The following BMERB1 variants were observed in gnomAD, a reference collection of about 807,000 sequenced individuals.
BMERB1 encodes the protein bMERB domain containing 1, also known as bMERB domain-containing protein 1.
Under a neutral mutation model 23.6 loss-of-function variants are expected in BMERB1, and 12 were observed. The observed-to-expected ratio is 0.51, with a 90% confidence interval of 0.33 to 0.82. The LOEUF is 0.82. Among genes scored for constraint, BMERB1 ranks in the 40% least tolerant of loss-of-function variants. The pLI, the probability that BMERB1 is intolerant of heterozygous loss-of-function variation, is 0.03. For missense variants in BMERB1, 247 were observed against 255.4 expected (o/e 0.97, Z 0.22); for synonymous variants, 122 against 96.6 (o/e 1.26, Z -1.54).
At chr16:15,455,919 A>G (rs1478761404) in intron 1 of BMERB1, among the ~76,000 whole-genome samples, 1 of 152,132 alleles carries the variant, frequency 6.6e-6, no homozygotes, top group East Asian at 1.9e-4. Context: ...TTAATGTTTG[A>G]CTATTCTTAA....
intron 1 of BMERB1, among the ~76,000 whole-genome samples, chr16:15,502,573 G>A (rs72770177): frequency 0.016 from 2,501 of 152,256 alleles, 23 homozygotes; most frequent in Non-Finnish European, 0.025. Context: ...TCCCGTAATA[G>A]GATGCTTGGG....
intron 2 of BMERB1, among the ~76,000 whole-genome samples, chr16:15,546,179 T>C (rs2029904746): frequency 6.6e-6 from 1 of 152,052 alleles, no homozygotes; most frequent in African/African-American, 2.4e-5. Context: ...TTCCAGCCAC[T>C]CAGGAGGCTG....
intron 2 of BMERB1, among the ~76,000 whole-genome samples, chr16:15,549,956 G>A (rs112962525): frequency 1.0e-4 from 15 of 146,128 alleles, no homozygotes; most frequent in Non-Finnish European, 1.7e-4. Flanking sequence ...TCAAAAGCAC[G>A]TTTTTTTTTT....
chr16:15,570,736 A>T (rs888357467), intron 3 of BMERB1, among the ~76,000 whole-genome samples: 1 of 150,938 alleles, frequency 6.6e-6, no homozygotes, highest in African/African-American at 2.5e-5. Flanking sequence ...GATTGTACTT[A>T]TAGCTATTTC....
intron 3 of BMERB1, among the ~76,000 whole-genome samples, chr16:15,575,344 C>T (rs2030831466): frequency 6.6e-6 from 1 of 152,140 alleles, no homozygotes; most frequent in South Asian, 2.1e-4. Flanking sequence ...AAAACATCTC[C>T]AGATTCTAAC....
intron 2 of BMERB1, among the ~76,000 whole-genome samples, chr16:15,537,999 A>G (rs1436463187): frequency 6.6e-6 from 1 of 152,098 alleles, no homozygotes; most frequent in Non-Finnish European, 1.5e-5. Flanking sequence ...AGCATTTTGG[A>G]GCTATAGTTT....
At chr16:15,539,378 C>G (rs147871381) in intron 2 of BMERB1, among the ~76,000 whole-genome samples, 3 of 152,242 alleles carry the variant, frequency 2.0e-5, no homozygotes, top group Non-Finnish European at 4.4e-5. Context: ...CTCACTCACC[C>G]GCCACTCACC....
rs13339428 is a variant in BMERB1, at chr16:15,567,932, C to T, written c.231-51C>T. On this transcript the variant is annotated intron_variant, in intron 2 of 5. Coordinates refer to ENST00000300006, the MANE Select transcript of BMERB1 (RefSeq NM_033201.3). ...TGTGTTAACCGGGTGATGCTCAGGGCGTAATGCTCTGCTGATGTAACCTGC... is the reference window on the plus strand; with the variant it reads ...TGTGTTAACCGGGTGATGCTCAGGGTGTAATGCTCTGCTGATGTAACCTGC... 0.019 allele frequency: 28,850 copies of T among 1,530,120 alleles called. 3,584 individuals are homozygous for T. The African/African-American group carries it at 0.3, about 16-fold the overall frequency. 94.8% of individuals were successfully genotyped at this position (1,530,120 alleles called of 1,614,324 possible).
At chr16:15,480,505 C>A (rs2051310552) in intron 1 of BMERB1, among the ~76,000 whole-genome samples, 1 of 151,880 alleles carries the variant, frequency 6.6e-6, no homozygotes, top group East Asian at 1.9e-4. Flanking sequence ...TGTAATATAA[C>A]CTCTTGCCAT....
intron 1 of BMERB1, among the ~76,000 whole-genome samples, chr16:15,514,943 G>A (rs1340647303): frequency 1.3e-5 from 2 of 152,072 alleles, no homozygotes; most frequent in Admixed American, 6.6e-5. Flanking sequence ...TTAGCCAGGC[G>A]AGGTGTCGGG....
At chr16:15,524,863 G>A (rs2051891373) in intron 2 of BMERB1, among the ~76,000 whole-genome samples, 1 of 152,160 alleles carries the variant, frequency 6.6e-6, no homozygotes, top group Non-Finnish European at 1.5e-5. Context: ...TTTCGAGAAG[G>A]AAAATACTCT....
At chr16:15,533,884 G>A (rs1242952293) in intron 2 of BMERB1, among the ~76,000 whole-genome samples, 1 of 152,004 alleles carries the variant, frequency 6.6e-6, no homozygotes, top group Non-Finnish European at 1.5e-5. Flanking sequence ...CAGACCCTTG[G>A]AGAAATACCT....
At chr16:15,488,458 C>T (rs185249622) in intron 1 of BMERB1, among the ~76,000 whole-genome samples, 1 of 152,258 alleles carries the variant, frequency 6.6e-6, no homozygotes, top group East Asian at 1.9e-4. Context: ...AGATGACTGT[C>T]TACTGCCTCT....
chr16:15,515,441 G>C lies in BMERB1; in HGVS notation c.230+13G>C, dbSNP rs2051737743. ...AGCTCAGGTTCATGTGAGTGTTTTG[G>C]GGATGTGGCCAAGGAAAGAAGTGTG... On this transcript the variant is annotated intron_variant, in intron 2 of 5. Coordinates refer to ENST00000300006, the MANE Select transcript of BMERB1 (RefSeq NM_033201.3). The C allele has an allele frequency of 6.2e-7, 1 of 1,611,858 alleles. No individual in the cohort carries two copies. Among genetic ancestry groups the C allele is most frequent in the Non-Finnish European group, 8.5e-7 (1 of 1,179,056 alleles).
intron 1 of BMERB1, among the ~76,000 whole-genome samples, chr16:15,495,411 G>A (rs947543173): frequency 3.3e-5 from 5 of 151,700 alleles, no homozygotes; most frequent in African/African-American, 1.2e-4. Context: ...TGTCACCCAG[G>A]CTGGAGTGCA....
At chr16:15,513,146 T>C (rs755900387) in intron 1 of BMERB1, among the ~76,000 whole-genome samples, 2 of 152,138 alleles carry the variant, frequency 1.3e-5, no homozygotes, top group East Asian at 1.9e-4. Context: ...ACATCACTTA[T>C]ATCTCAGCCA....
intron 1 of BMERB1, among the ~76,000 whole-genome samples, chr16:15,443,429 C>G (rs950877980): frequency 6.6e-6 from 1 of 151,228 alleles, no homozygotes; most frequent in African/African-American, 2.4e-5. Flanking sequence ...GTGCTAGCTA[C>G]TTGGGAGGCT....
chr16:15,457,673 G>A (rs1159497559), intron 1 of BMERB1, among the ~76,000 whole-genome samples: 1 of 152,124 alleles, frequency 6.6e-6, no homozygotes, highest in African/African-American at 2.4e-5. Context: ...CCAGATGTTG[G>A]TTCAGGTTGT....
At chr16:15,490,666 T>G (rs2051412191) in intron 1 of BMERB1, among the ~76,000 whole-genome samples, 1 of 152,166 alleles carries the variant, frequency 6.6e-6, no homozygotes, top group South Asian at 2.1e-4. Context: ...CTACCTGGGA[T>G]TCATCCATCA....
Sources: allele counts gnomAD v4.1 joint callset (sites outside exome capture counted in the v4.1 genomes callset), GRCh38; gene constraint gnomAD v4.1.1; transcripts MANE v1.5; gene names NCBI Gene and HGNC (gene_info 2026-07-23, HGNC 2026-07-21).